Variants in MTHFD2L observed in about 807,000 individuals in gnomAD.
MTHFD2L encodes methylenetetrahydrofolate dehydrogenase (NADP+ dependent) 2 like, also known as bifunctional methylenetetrahydrofolate dehydrogenase/cyclohydrolase 2, mitochondrial.
MTHFD2L carries 29 observed loss-of-function variants against 34.9 expected under a neutral mutation model. The ratio of observed to expected loss-of-function variants is 0.83; its 90% confidence interval spans 0.62 to 1.13. The LOEUF (loss-of-function observed/expected upper bound fraction) is 1.13. Among genes scored for constraint, MTHFD2L ranks in the 50% most tolerant of loss-of-function variants. MTHFD2L has a pLI of 0.00. For missense variants in MTHFD2L, 481 were observed against 446.5 expected (o/e 1.08, Z -0.70); for synonymous variants, 167 against 155.7 (o/e 1.07, Z -0.54).
intron 6 of MTHFD2L, chr4:74,267,185 T>C (rs1317949093): frequency 1.0e-6 from 1 of 985,150 alleles, no homozygotes; most frequent in Non-Finnish European, 1.2e-6. Flanking sequence ...CAGTTGGTAA[T>C]ATAGACCCTT....
At chr4:74,283,177 G>T (rs1013292342) in intron 7 of MTHFD2L, among the ~76,000 whole-genome samples, 7 of 152,114 alleles carry the variant, frequency 4.6e-5, no homozygotes, top group Non-Finnish European at 1.0e-4. Context: ...TGCCTGTAAG[G>T]CAAGCTTACC....
At chr4:74,145,471 A>G (rs887588340) in intron 1 of MTHFD2L, among the ~76,000 whole-genome samples, 2 of 152,194 alleles carry the variant, frequency 1.3e-5, no homozygotes, top group East Asian at 3.8e-4. Flanking sequence ...CCAGTCTCCC[A>G]GAATACCAAG....
In MTHFD2L at chr4:74,242,797, T is replaced by C. The variant is rs140694965; in HGVS notation, c.805+17403T>C. ...GCTGTTGCTCAGGAATTTATAGTTA[T>C]GTTGGTCACATGTCTCTTTTCCTTG... is the stretch of plus-strand genomic sequence containing the variant. On this transcript the variant is annotated intron_variant, in intron 6 of 7. Transcript: ENST00000325278. Among the ~76,000 whole-genome samples, 924 of 152,320 alleles carry C rather than the reference T, an allele frequency of 6.1e-3. 10 individuals are homozygous for C. Among genetic ancestry groups the C allele is most frequent in the African/African-American group, 0.021 (864 of 41,562 alleles).
intron 3 of MTHFD2L, among the ~76,000 whole-genome samples, chr4:74,192,474 C>A (rs1732721651): frequency 1.3e-5 from 2 of 152,126 alleles, no homozygotes; most frequent in South Asian, 4.1e-4. Context: ...GTGTATACAT[C>A]ATTAAGGTTC....
At chr4:74,244,823 T>G (rs1246591) in intron 6 of MTHFD2L, among the ~76,000 whole-genome samples, 43,099 of 151,978 alleles carry the variant, frequency 0.28, 6,649 homozygotes, top group African/African-American at 0.41. Context: ...TCCACAATTA[T>G]CATAAAAGGC....
At chr4:74,278,302 G>C (rs1237317322) in intron 6 of MTHFD2L, among the ~76,000 whole-genome samples, 6 of 151,976 alleles carry the variant, frequency 3.9e-5, no homozygotes, top group African/African-American at 1.5e-4. Flanking sequence ...TCTTAGTTTT[G>C]TATTGAGTTT....
upstream of MTHFD2L, chr4:74,157,387 G>A (rs1724369485): frequency 3.3e-6 from 1 of 307,340 alleles, no homozygotes; most frequent in South Asian, 2.7e-5. Context: ...TTGTGTGTCT[G>A]TCTTAATTTG....
Position 74,300,155 on chromosome 4 carries a change from C to T in MTHFD2L, c.932-1542C>T, listed in dbSNP as rs77328960. Reference sequence around the variant, plus strand: ...AAAGGTTGTGCTTTCTGTATAGAGACGCTGTTTGGAAAACTGAAATATTAC... The same window carrying T: ...AAAGGTTGTGCTTTCTGTATAGAGATGCTGTTTGGAAAACTGAAATATTAC... On this transcript the variant is annotated intron_variant, in intron 7 of 7. Coordinates refer to ENST00000325278, the MANE Select transcript of MTHFD2L (RefSeq NM_001144978.3). Among the ~76,000 whole-genome samples, 344 of 152,078 alleles carry T rather than the reference C, an allele frequency of 2.3e-3. 1 individual carries two copies. The highest frequency in any genetic ancestry group is 6.8e-3 in the African/African-American group (284 of 41,522).
chr4:74,299,164 A>G (rs185383775), intron 7 of MTHFD2L, among the ~76,000 whole-genome samples: 273 of 152,112 alleles, frequency 1.8e-3, no homozygotes, highest in Middle Eastern at 6.8e-3. Context: ...AGGTTTTCTG[A>G]TATAACAAAT....
At chr4:74,164,562 C>T (rs1476668233) in intron 1 of MTHFD2L, among the ~76,000 whole-genome samples, 2 of 152,168 alleles carry the variant, frequency 1.3e-5, no homozygotes, top group Non-Finnish European at 2.9e-5. Context: ...TTAGCAGAAA[C>T]TAAGAGAAAG....
intron 6 of MTHFD2L, among the ~76,000 whole-genome samples, chr4:74,278,193 C>A (rs1436591447): frequency 6.6e-6 from 1 of 152,092 alleles, no homozygotes; most frequent in East Asian, 1.9e-4. Context: ...CTGATTCTAA[C>A]CATTCTTCCC....
chr4:74,270,135 C>G (rs1745767856), intron 6 of MTHFD2L, among the ~76,000 whole-genome samples: 1 of 151,634 alleles, frequency 6.6e-6, no homozygotes, highest in African/African-American at 2.4e-5. Flanking sequence ...TAGTGGTTTT[C>G]TTTTTGTCCA....
upstream of MTHFD2L, among the ~76,000 whole-genome samples, chr4:74,120,554 A>G (rs986883935): frequency 1.3e-5 from 2 of 152,216 alleles, no homozygotes; most frequent in African/African-American, 4.8e-5. Context: ...ACTTGGGTCA[A>G]TGAGGTCACT....
At chr4:74,132,586 C>T (rs538139669) in intron 1 of MTHFD2L, among the ~76,000 whole-genome samples, 3 of 152,118 alleles carry the variant, frequency 2.0e-5, no homozygotes, top group Admixed American at 6.6e-5. Context: ...CAGGGCCTGT[C>T]AGAGGGTGGG....
chr4:74,166,554 T>A (rs1321046836), intron 1 of MTHFD2L, among the ~76,000 whole-genome samples: 1 of 152,248 alleles, frequency 6.6e-6, no homozygotes, highest in Non-Finnish European at 1.5e-5. Flanking sequence ...AATCTGAAGG[T>A]GTCCCTACTC....
chr4:74,124,833 T>C (rs1721960200), upstream of MTHFD2L, among the ~76,000 whole-genome samples: 1 of 152,146 alleles, frequency 6.6e-6, no homozygotes, highest in Non-Finnish European at 1.5e-5. Flanking sequence ...GAGTGGATTA[T>C]ATTATAAAAA....
chr4:74,145,375 A>C (rs942820803), intron 1 of MTHFD2L, among the ~76,000 whole-genome samples: 1 of 152,204 alleles, frequency 6.6e-6, no homozygotes, highest in Non-Finnish European at 1.5e-5. Flanking sequence ...AGTTCTATGC[A>C]AATACTTCAC....
At chr4:74,175,665 A>G (rs942117768) in intron 3 of MTHFD2L, among the ~76,000 whole-genome samples, 1 of 152,080 alleles carries the variant, frequency 6.6e-6, no homozygotes, top group Non-Finnish European at 1.5e-5. Flanking sequence ...ATGACGATGT[A>G]AGATGAAACC....
At chr4:74,260,475 T>G (rs1028031471) in intron 6 of MTHFD2L, among the ~76,000 whole-genome samples, 1 of 152,054 alleles carries the variant, frequency 6.6e-6, no homozygotes, top group Non-Finnish European at 1.5e-5. Context: ...GCCTAGAAAA[T>G]GTTACCAAAT....
Sources: gnomAD v4.1 joint callset for allele counts (sites outside exome capture counted in the v4.1 genomes callset) on GRCh38, gnomAD v4.1.1 for gene constraint, MANE v1.5 for transcripts, NCBI Gene and HGNC (gene_info 2026-07-23, HGNC 2026-07-21) for gene names.